WASHC3: variants seen among roughly 807,000 people sequenced by gnomAD.
The protein encoded by WASHC3 is WASH complex subunit 3.
WASHC3 carries 24 observed loss-of-function variants against 26.1 expected under a neutral mutation model. The observed-to-expected ratio is 0.92, with a 90% confidence interval of 0.66 to 1.29. The LOEUF is 1.29. WASHC3 is among the 50% of genes most tolerant of loss of function. The pLI is 0.00. For missense variants in WASHC3, 214 were observed against 229.6 expected (o/e 0.93, Z 0.44); for synonymous variants, 77 against 75.7 (o/e 1.02, Z -0.09).
intron 1 of WASHC3, among the ~76,000 whole-genome samples, chr12:102,061,707 G>A (rs973874243): frequency 2.6e-5 from 4 of 152,162 alleles, no homozygotes; most frequent in African/African-American, 9.7e-5. Flanking sequence ...GTTGGGAGAT[G>A]CACACCGTCT....
At chr12:102,050,029 G>A (rs1176125629) in intron 2 of WASHC3, among the ~76,000 whole-genome samples, 2 of 152,184 alleles carry the variant, frequency 1.3e-5, no homozygotes, top group Non-Finnish European at 2.9e-5. Flanking sequence ...TCTTAGGCAT[G>A]TAATAAGTCT....
chr12:102,050,814 C>T (rs751618153), intron 2 of WASHC3, among the ~76,000 whole-genome samples: 4 of 152,158 alleles, frequency 2.6e-5, no homozygotes, highest in Admixed American at 6.5e-5. Context: ...CTGCCAACCC[C>T]TCAAAATTTG....
chr12:102,017,142 T>C (rs1876740072), intron 6 of WASHC3, among the ~76,000 whole-genome samples: 1 of 152,238 alleles, frequency 6.6e-6, no homozygotes, highest in Admixed American at 6.5e-5. Flanking sequence ...TGTTTAGATA[T>C]GCTTAGATAC....
intron 6 of WASHC3, among the ~76,000 whole-genome samples, chr12:102,021,435 C>A (rs1876954344): frequency 6.6e-6 from 1 of 152,178 alleles, no homozygotes; most frequent in African/African-American, 2.4e-5. Flanking sequence ...CACTTGCTTG[C>A]TAGCCACTCA....
intron 5 of WASHC3, among the ~76,000 whole-genome samples, chr12:102,034,781 A>AGTGT (rs60815635): frequency 0.19 from 27,274 of 145,954 alleles, 2,853 homozygotes; most frequent in African/African-American, 0.29. Flanking sequence ...CCTAAAAAAA[A>AGTGT]GTGTGTGTGT....
At chr12:102,049,592 A>G (rs891456182) in intron 2 of WASHC3, among the ~76,000 whole-genome samples, 1 of 152,166 alleles carries the variant, frequency 6.6e-6, no homozygotes, top group African/African-American at 2.4e-5. Context: ...AGAAGGAAAT[A>G]TGGAGTTACT....
At chr12:102,035,039 G>T (rs1418856144) in intron 5 of WASHC3, among the ~76,000 whole-genome samples, 1 of 151,984 alleles carries the variant, frequency 6.6e-6, no homozygotes, top group Non-Finnish European at 1.5e-5. Flanking sequence ...CTAAAAGAAG[G>T]CAGAAATTTT....
rs1877811391 is a variant in WASHC3 at position 102,039,119 on chromosome 12, T to C, written c.435+749A>G. Among the ~76,000 whole-genome samples the C allele has an allele frequency of 3.4e-5, 5 of 144,930 alleles. No individual in the cohort carries two copies. In the East Asian group the frequency reaches 8.0e-4, roughly 23 times the overall value. The stretch of plus-strand genomic sequence containing the variant: ...GCACTACCAGGTGCATGCCATCATA[T>C]GGAGTTAGGTTTTTTTTTTTTTTTT... On this transcript the variant is annotated intron_variant, in intron 5 of 6. Transcript: ENST00000240079.
Position 102,061,360 on chromosome 12 carries a change from AAAC to A in WASHC3, c.52-17_52-15del. The stretch of plus-strand genomic sequence containing the variant: ...AATAGCTGGCACCTGTGTTACGTAA[AAAC>A]AAACATGGTTCATACAGGAGGAACG... On this transcript the variant is annotated splice_polypyrimidine_tract_variant and intron_variant, in intron 1 of 6. Coordinates refer to ENST00000240079, the MANE Select transcript of WASHC3 (RefSeq NM_016053.4). 6.4e-7 allele frequency: 1 copy of A among 1,572,778 alleles called. No individual in the cohort carries two copies. The highest frequency in any genetic ancestry group is 1.7e-5 in the Admixed American group (1 of 59,876).
chr12:102,033,690 G>C lies in WASHC3; in HGVS notation c.435+6178C>G, dbSNP rs369983479. Among the ~76,000 whole-genome samples, 27 of 151,152 alleles carry C rather than the reference G, an allele frequency of 1.8e-4. No homozygotes were observed. The East Asian group carries it at 2.7e-3, about 15-fold the overall frequency. On this transcript the variant is annotated intron_variant, in intron 5 of 6. Transcript: ENST00000240079. ...TAAGATCTTAGGATTAGATATTGTT[G>C]GTATAAAGGATTAGATATTGTTGGT...
intron 2 of WASHC3, among the ~76,000 whole-genome samples, chr12:102,058,979 T>C (rs920669646): frequency 6.6e-6 from 1 of 152,170 alleles, no homozygotes; most frequent in Non-Finnish European, 1.5e-5. Context: ...ATCTCACTTA[T>C]ATATGGAGGA....
In WASHC3 at chr12:102,029,854, A is replaced by C. The variant is rs75110783; in HGVS notation, c.436-3816T>G. Among the ~76,000 whole-genome samples the C allele has an allele frequency of 7.1e-3, 1,076 of 152,320 alleles. 10 individuals carry two copies. The highest frequency in any genetic ancestry group is 0.023 in the African/African-American group (958 of 41,570). On this transcript the variant is annotated intron_variant, in intron 5 of 6. Transcript: ENST00000240079. ...GGAAAAAACTTTTTCTTTGCAGAGC[A>C]CGGGAACTAGTAGAATTTGAAAAAA...
intron 6 of WASHC3, 42 bp from the exon 7 acceptor site, chr12:102,013,234 T>TG: frequency 3.2e-6 from 3 of 946,320 alleles, no homozygotes; most frequent in Non-Finnish European, 4.9e-6. Flanking sequence ...CTTTTCCAAT[T>TG]GAAAAGAGCA....
In WASHC3 at chr12:102,061,930, T is replaced by C. The variant is rs1878830414; in HGVS notation, c.33A>G (p.Ser11=). The change falls in exon 1 of 7, where the codon TCA becomes TCG. Residue 11 remains serine, a synonymous_variant. Transcript: ENST00000240079. MDEDGLPLMG[S]GIDLTKVPAI... is the part of the protein sequence containing the mutation. ...TACAAACCTTGGTCAGGTCTATGCC[T>C]GACCCCATGAGAGGAAGCCCGTCCT... The C allele has an allele frequency of 1.1e-5, 17 of 1,600,844 alleles. No individual in the cohort carries two copies. The highest frequency in any genetic ancestry group is 2.3e-5 in the South Asian group (2 of 88,690).
At chr12:102,047,171 C>T (rs1219172621) in intron 2 of WASHC3, among the ~76,000 whole-genome samples, 1 of 152,134 alleles carries the variant, frequency 6.6e-6, no homozygotes. Context: ...ACCTCCTAAT[C>T]TTAAACATTA....
intron 2 of WASHC3, among the ~76,000 whole-genome samples, chr12:102,047,353 C>T (rs113016836): frequency 1.3e-5 from 2 of 152,252 alleles, no homozygotes; most frequent in Admixed American, 6.5e-5. Flanking sequence ...CTGAAAGTGG[C>T]CACAAAGCAG....
intron 1 of WASHC3, 130 bp downstream of exon 1, chr12:102,061,782 C>CA (rs1878821463): frequency 1.4e-6 from 1 of 717,456 alleles, no homozygotes; most frequent in African/African-American, 1.8e-5. Context: ...CCTGAGGCCC[C>CA]ACAGGCCTGT....
At chr12:102,034,205 C>G (rs1403953419) in intron 5 of WASHC3, among the ~76,000 whole-genome samples, 2 of 152,006 alleles carry the variant, frequency 1.3e-5, no homozygotes, top group Non-Finnish European at 2.9e-5. Flanking sequence ...AGAATTGAAC[C>G]ACATTTTCAG....
chr12:102,056,300 AT>A (rs1479776467), intron 2 of WASHC3, among the ~76,000 whole-genome samples: 1 of 152,164 alleles, frequency 6.6e-6, no homozygotes, highest in Non-Finnish European at 1.5e-5. Context: ...AAAGTATCTC[AT>A]TTTTTAAAAA....
Sources: gnomAD v4.1 joint callset for allele counts (sites outside exome capture counted in the v4.1 genomes callset) on GRCh38, gnomAD v4.1.1 for gene constraint, MANE v1.5 for transcripts, NCBI Gene and HGNC (gene_info 2026-07-23, HGNC 2026-07-21) for gene names.